TRPM3: variants seen among roughly 807,000 people sequenced by gnomAD.
TRPM3 encodes transient receptor potential cation channel subfamily M member 3.
A neutral mutation model predicts 181.2 loss-of-function variants in TRPM3; 77 were observed. The observed-to-expected ratio is 0.42, with a 90% CI of 0.35 to 0.51. The LOEUF is 0.51. Ranked by LOEUF, TRPM3 falls within the 20% of genes least tolerant of loss-of-function variation. TRPM3 has a pLI of 0.01. For missense variants in TRPM3, 1,759 were observed against 2,196.7 expected, an observed-to-expected ratio of 0.80 and a Z score of 3.98; for synonymous variants, 745 against 796.4, an observed-to-expected ratio of 0.94 and a Z score of 1.09.
At chr9:70,686,209 T>C (rs1040089977) in intron 8 of TRPM3, among the ~76,000 whole-genome samples, 13 of 152,064 alleles carry the variant, frequency 8.5e-5, no homozygotes, top group Non-Finnish European at 1.9e-4. Context: ...CAAATAATGA[T>C]ATATGTGTAT....
intron 1 of TRPM3, among the ~76,000 whole-genome samples, chr9:71,225,838 G>A (rs955792490): frequency 6.6e-6 from 1 of 151,382 alleles, no homozygotes; most frequent in Admixed American, 6.6e-5. Context: ...TGTATTTTTA[G>A]TAGAGATGGG....
chr9:70,669,218 A>G (rs1263947015), intron 9 of TRPM3, among the ~76,000 whole-genome samples: 1 of 152,204 alleles, frequency 6.6e-6, no homozygotes, highest in Non-Finnish European at 1.5e-5. Flanking sequence ...TTCTTCCTTC[A>G]AACATCAGCA....
intron 1 of TRPM3, among the ~76,000 whole-genome samples, chr9:71,025,009 T>C (rs190926525): frequency 5.3e-4 from 81 of 152,354 alleles, no homozygotes; most frequent in African/African-American, 1.8e-3. Flanking sequence ...TACCTCTCAC[T>C]GAACCCTGTC....
chr9:70,742,903 A>C (rs1392209275), intron 8 of TRPM3, among the ~76,000 whole-genome samples: 1 of 152,162 alleles, frequency 6.6e-6, no homozygotes, highest in Non-Finnish European at 1.5e-5. Context: ...GCTCAGTGGA[A>C]CTATCATTCT....
At chr9:70,845,539 C>T (rs948053946) in intron 4 of TRPM3, among the ~76,000 whole-genome samples, 7 of 152,010 alleles carry the variant, frequency 4.6e-5, no homozygotes, top group Non-Finnish European at 8.8e-5. Flanking sequence ...CATACCTGGC[C>T]CGAGATAATG....
chr9:71,325,684 C>CA (rs1227348920), intron 1 of TRPM3, among the ~76,000 whole-genome samples: 5 of 152,064 alleles, frequency 3.3e-5, no homozygotes, highest in Admixed American at 3.3e-4. Flanking sequence ...ACAAAACCTA[C>CA]AAAGGCATAA....
chr9:71,216,434 T>C (rs1031933707), intron 1 of TRPM3, among the ~76,000 whole-genome samples: 1 of 152,104 alleles, frequency 6.6e-6, no homozygotes, highest in Admixed American at 6.6e-5. Context: ...GAAAATATTA[T>C]ACTTTAATCT....
chr9:71,150,476 G>A (rs1004825962), intron 1 of TRPM3, among the ~76,000 whole-genome samples: 1 of 151,966 alleles, frequency 6.6e-6, no homozygotes, highest in African/African-American at 2.4e-5. Flanking sequence ...GTAATTCCCT[G>A]GTGAAATTAA....
At chr9:70,819,283 T>C (rs959435169) in intron 6 of TRPM3, among the ~76,000 whole-genome samples, 4 of 152,186 alleles carry the variant, frequency 2.6e-5, no homozygotes, top group African/African-American at 4.8e-5. Context: ...CATTTTAAAA[T>C]GTCTCCCAGG....
intron 1 of TRPM3, among the ~76,000 whole-genome samples, chr9:71,415,848 GAATAA>G (rs1311469419): frequency 1.3e-5 from 2 of 151,284 alleles, no homozygotes; most frequent in Non-Finnish European, 3.0e-5. Flanking sequence ...AAAACACTAA[GAATAA>G]AATAGTACTA....
intron 1 of TRPM3, among the ~76,000 whole-genome samples, chr9:71,277,373 T>C (rs947170545): frequency 1.7e-4 from 26 of 152,234 alleles, no homozygotes; most frequent in African/African-American, 6.0e-4. Flanking sequence ...TGCATTTATT[T>C]TGTTTACTGT....
chr9:70,555,773 C>T (rs751771930), intron 22 of TRPM3, among the ~76,000 whole-genome samples: 14 of 152,330 alleles, frequency 9.2e-5, no homozygotes, highest in Non-Finnish European at 1.6e-4. Context: ...TACTCACTCC[C>T]TCCCAGCCTA....
chr9:70,682,479 T>A (rs1451602355), intron 8 of TRPM3, among the ~76,000 whole-genome samples: 1 of 152,060 alleles, frequency 6.6e-6, no homozygotes, highest in Non-Finnish European at 1.5e-5. Context: ...GTGGGTAAAG[T>A]CCATTACAGT....
chr9:70,848,657 C>A (rs1292662474), intron 3 of TRPM3, among the ~76,000 whole-genome samples: 1 of 152,158 alleles, frequency 6.6e-6, no homozygotes, highest in Non-Finnish European at 1.5e-5. Flanking sequence ...CAATAGACAC[C>A]TGAAGCCAAA....
intron 9 of TRPM3, among the ~76,000 whole-genome samples, chr9:70,666,347 T>A (rs1023457903): frequency 6.6e-6 from 1 of 152,238 alleles, no homozygotes; most frequent in African/African-American, 2.4e-5. Context: ...CTCCTATTTC[T>A]TGTGTTTTGT....
chr9:70,757,538 G>A (rs1228608210), intron 8 of TRPM3, among the ~76,000 whole-genome samples: 1 of 152,056 alleles, frequency 6.6e-6, no homozygotes, highest in Admixed American at 6.6e-5. Context: ...CAACAAAAAA[G>A]GAAAATTTCA....
chr9:71,121,709 G>A (rs375198155), upstream of TRPM3: 17 of 942,220 alleles, frequency 1.8e-5, no homozygotes, highest in African/African-American at 1.7e-4. Flanking sequence ...GCTTGGTTTG[G>A]GGGGGAGCCA....
At chr9:71,252,334 C>T (rs892858752) in intron 1 of TRPM3, among the ~76,000 whole-genome samples, 2 of 151,984 alleles carry the variant, frequency 1.3e-5, no homozygotes, top group African/African-American at 2.4e-5. Context: ...AGTGGTTTTT[C>T]GTGGACTGTT....
chr9:71,430,103 T>C (rs1040006951), intron 1 of TRPM3, among the ~76,000 whole-genome samples: 3 of 152,216 alleles, frequency 2.0e-5, no homozygotes, highest in Admixed American at 6.5e-5. Context: ...TTTTATTACA[T>C]ATTTATTTGC....
Sources: gnomAD v4.1 joint callset for allele counts (sites outside exome capture counted in the v4.1 genomes callset) on GRCh38, gnomAD v4.1.1 for gene constraint, MANE v1.5 for transcripts, NCBI Gene and HGNC (gene_info 2026-07-23, HGNC 2026-07-21) for gene names.